The following PHAF1 variants were observed in gnomAD, a reference collection of about 807,000 sequenced individuals.
PHAF1 encodes phagosome assembly factor 1.
Under a neutral mutation model 63.1 loss-of-function variants are expected in PHAF1, and 23 were observed. That is an observed-to-expected ratio of 0.36 (90% confidence interval 0.26 to 0.52). The LOEUF (loss-of-function observed/expected upper bound fraction) is 0.52, where lower values mean the gene tolerates loss of function less well. Ranked by LOEUF, PHAF1 falls within the 20% of genes least tolerant of loss-of-function variation. PHAF1 has a pLI of 0.93. For synonymous variants in PHAF1, 167 were observed against 185.0 expected (o/e 0.90, Z 0.79); for missense variants, 427 against 517.2 (o/e 0.83, Z 1.69).
chr16:67,142,547 C>G (rs1963853669), intron 10 of PHAF1, among the ~76,000 whole-genome samples: 1 of 152,250 alleles, frequency 6.6e-6, no homozygotes, highest in South Asian at 2.1e-4. Flanking sequence ...CAGTGCTGCC[C>G]TGAGTGCGTG....
Position 67,131,276 on chromosome 16 carries a change from T to G in PHAF1, c.232-10T>G. On this transcript the variant is annotated splice_polypyrimidine_tract_variant and intron_variant, in intron 3 of 15. Transcript: ENST00000219139. The stretch of plus-strand genomic sequence containing the variant: ...TTCAGAGCATTGACAACTCTTAAAC[T>G]TTTTTTTAGGTGATCGAAGTATGTG... 3 of 1,545,974 alleles carry G rather than the reference T, an allele frequency of 1.9e-6. No homozygotes were observed. The highest frequency in any genetic ancestry group is 1.8e-6 in the Non-Finnish European group (2 of 1,134,610).
At chr16:67,110,560 C>T (rs1369458544) in intron 1 of PHAF1, among the ~76,000 whole-genome samples, 2 of 152,294 alleles carry the variant, frequency 1.3e-5, no homozygotes, top group East Asian at 3.9e-4. Context: ...TACCCCTCGC[C>T]GGCACCTGAG....
chr16:67,140,474 G>T (rs760183165), intron 9 of PHAF1, 37 bp from the exon 10 acceptor site: 2 of 1,433,288 alleles, frequency 1.4e-6, no homozygotes, highest in South Asian at 2.3e-5. Context: ...TATATTAGAG[G>T]GATGGATTTT....
chr16:67,111,434 T>C (rs1415697854), intron 1 of PHAF1, among the ~76,000 whole-genome samples: 3 of 152,338 alleles, frequency 2.0e-5, no homozygotes, highest in South Asian at 2.1e-4. Context: ...GCCTGAACTT[T>C]AGTCACTCTA....
chr16:67,144,791 C>A, intron 11 of PHAF1, 43 bp from the exon 12 acceptor site: 1 of 1,605,000 alleles, frequency 6.2e-7, no homozygotes, highest in Non-Finnish European at 8.5e-7. Flanking sequence ...AGTGGCCAGG[C>A]CTTCTAGGAG....
chr16:67,112,255 TGGTA>T (rs1198449084), intron 1 of PHAF1, among the ~76,000 whole-genome samples: 16 of 151,558 alleles, frequency 1.1e-4, no homozygotes, highest in Admixed American at 1.1e-3. Flanking sequence ...TCAAAAGCAG[TGGTA>T]GGGACTGGGT....
chr16:67,125,678 A>C (rs1439576413), intron 2 of PHAF1, among the ~76,000 whole-genome samples: 3 of 152,218 alleles, frequency 2.0e-5, no homozygotes, highest in Admixed American at 2.0e-4. Flanking sequence ...CTGTATACTC[A>C]TATAACTTTG....
At position 67,148,269 on chromosome 16, in the gene PHAF1, A is replaced by T. The variant is rs1220390338; in HGVS notation, c.*1138A>T. On this transcript the variant is annotated 3_prime_UTR_variant, in exon 16 of 16. Transcript: ENST00000219139. ...TAGTTTAATGATGAATGTGCAGGGGACCTGTCTCAGGCTCCTATATGGTTC... is the reference window on the plus strand; with the variant it reads ...TAGTTTAATGATGAATGTGCAGGGGTCCTGTCTCAGGCTCCTATATGGTTC... 6.6e-6 allele frequency: 1 copy of T among 152,444 alleles called. No homozygotes were observed. Among genetic ancestry groups the T allele is most frequent in the Non-Finnish European group, 1.5e-5 (1 of 68,010 alleles). The allele number at this position is 152,444 out of a possible 1,614,324, so 9.4% of individuals were successfully genotyped here. A position where few individuals can be genotyped will look rare whatever the true frequency, so the allele number is the denominator to read the frequency against.
chr16:67,137,157 A>G (rs1963640474), intron 8 of PHAF1, among the ~76,000 whole-genome samples: 1 of 151,520 alleles, frequency 6.6e-6, no homozygotes, highest in African/African-American at 2.4e-5. Context: ...TCCTTCTCAA[A>G]AAAAAAAAAA....
At chr16:67,134,871 CAT>C in intron 8 of PHAF1, 1 of 361,364 alleles carries the variant, frequency 2.8e-6, no homozygotes, top group Non-Finnish European at 5.5e-6. Flanking sequence ...AGGATTTCAA[CAT>C]ATGAATTTTA....
chr16:67,113,437 C>G (rs996075131), intron 1 of PHAF1, among the ~76,000 whole-genome samples: 2 of 150,476 alleles, frequency 1.3e-5, no homozygotes, highest in South Asian at 2.1e-4. Context: ...GTTTTGTTTT[C>G]TTTTTTTCTT....
chr16:67,125,268 T>TC (rs1963142559), intron 2 of PHAF1, among the ~76,000 whole-genome samples: 1 of 152,046 alleles, frequency 6.6e-6, no homozygotes, highest in Admixed American at 6.6e-5. Context: ...GCTACTCCCC[T>TC]CCCCCAGGAT....
At chr16:67,142,370 A>AG (rs1963846265) in intron 10 of PHAF1, among the ~76,000 whole-genome samples, 1 of 152,214 alleles carries the variant, frequency 6.6e-6, no homozygotes, top group Non-Finnish European at 1.5e-5. Flanking sequence ...GACTACCCAG[A>AG]GCTGGCAGCC....
At position 67,147,150 on chromosome 16, in the gene PHAF1, C is replaced by G; in HGVS notation, c.*19C>G. ...CCCCTAGGGACACCACCACCCATGC[C>G]CCTCTGTCCCGTGGAACTGTGCATC... On this transcript the variant is annotated 3_prime_UTR_variant, in exon 16 of 16. Coordinates refer to ENST00000219139, the MANE Select transcript of PHAF1 (RefSeq NM_025187.5). 6.3e-7 allele frequency: 1 copy of G among 1,587,850 alleles called. No homozygotes were observed. Among genetic ancestry groups the G allele is most frequent in the African/African-American group, 1.3e-5 (1 of 74,428 alleles).
At position 67,144,759 on chromosome 16, in the gene PHAF1, G is replaced by A. The variant is rs1055857456; in HGVS notation, c.963-75G>A. On this transcript the variant is annotated intron_variant, in intron 11 of 15. Coordinates refer to ENST00000219139, the MANE Select transcript of PHAF1 (RefSeq NM_025187.5). Reference sequence around the variant, plus strand: ...GGTGTGTTTGGTTCTGTTTCTCCTGGGGTGTGGGGTTGGAATATGGGAGTG... The same window carrying A: ...GGTGTGTTTGGTTCTGTTTCTCCTGAGGTGTGGGGTTGGAATATGGGAGTG... 3.3e-6 allele frequency: 5 copies of A among 1,498,626 alleles called. No individual in the cohort carries two copies. The African/African-American group carries it at 4.1e-5, about 12-fold the overall frequency. The allele number at this position is 1,498,626 out of a possible 1,614,324, so 92.8% of individuals were successfully genotyped here. A position where few individuals can be genotyped will look rare whatever the true frequency, so the allele number is the denominator to read the frequency against.
chr16:67,132,412 A>G, intron 4 of PHAF1, 34 bp from the exon 5 acceptor site: 1 of 1,531,832 alleles, frequency 6.5e-7, no homozygotes, highest in South Asian at 1.2e-5. Context: ...CCATCTTGTG[A>G]AGCCTAGTAT....
chr16:67,138,341 G>C (rs1329908687), intron 8 of PHAF1, among the ~76,000 whole-genome samples: 1 of 152,120 alleles, frequency 6.6e-6, no homozygotes, highest in East Asian at 1.9e-4. Context: ...TGGGTTAGTT[G>C]AACTCAGTAT....
chr16:67,134,050 G>T (rs759621296), intron 6 of PHAF1, 118 bp from the exon 7 acceptor site: 13 of 807,152 alleles, frequency 1.6e-5, no homozygotes, highest in Admixed American at 4.5e-5. Context: ...AGGTTTAAGG[G>T]TGTACTTTGA....
At chr16:67,126,595 G>GTTTTTTT (rs60445297) in intron 3 of PHAF1, among the ~76,000 whole-genome samples, 5 of 134,204 alleles carry the variant, frequency 3.7e-5, no homozygotes, top group African/African-American at 1.1e-4. Context: ...TTTGTTTTTG[G>GTTTTTTT]TTTTTTTTTT....
Sources: allele counts gnomAD v4.1 joint callset (sites outside exome capture counted in the v4.1 genomes callset), GRCh38; gene constraint gnomAD v4.1.1; transcripts MANE v1.5; gene names NCBI Gene and HGNC (gene_info 2026-07-23, HGNC 2026-07-21).